HACE1: variants seen among roughly 807,000 people sequenced by gnomAD.
The protein encoded by HACE1 is HECT domain and ankyrin repeat containing E3 ubiquitin protein ligase 1, also known as E3 ubiquitin-protein ligase HACE1.
A neutral mutation model predicts 118.4 loss-of-function variants in HACE1; 73 were observed. The observed-to-expected ratio is 0.62, with a 90% CI of 0.51 to 0.75. The LOEUF (loss-of-function observed/expected upper bound fraction) is 0.75. HACE1 is among the 30% of genes least tolerant of loss of function. The pLI, the probability that HACE1 is intolerant of heterozygous loss-of-function variation, is 0.00. For synonymous variants in HACE1, 368 were observed against 374.8 expected (o/e 0.98, Z 0.21); for missense variants, 749 against 1,102.2 (o/e 0.68, Z 4.54).
At chr6:104,792,872 CT>C (rs1019454084) in intron 10 of HACE1, among the ~76,000 whole-genome samples, 1 of 152,212 alleles carries the variant, frequency 6.6e-6, no homozygotes, top group African/African-American at 2.4e-5. Flanking sequence ...CCTCCCTGCT[CT>C]TTCTACCCAA....
At chr6:104,806,951 T>C (rs9499978) in intron 7 of HACE1, among the ~76,000 whole-genome samples, 36,693 of 151,818 alleles carry the variant, frequency 0.24, 4,760 homozygotes, top group African/African-American at 0.34. Context: ...GAATGGCGTA[T>C]GAAACAGATC....
chr6:104,816,773 T>C (rs76549866), intron 6 of HACE1, among the ~76,000 whole-genome samples: 2,473 of 152,210 alleles, frequency 0.016, 66 homozygotes, highest in African/African-American at 0.056. Flanking sequence ...ACGTACTCAA[T>C]GTCAGCCTGT....
intron 22 of HACE1, among the ~76,000 whole-genome samples, chr6:104,737,280 C>CAAAAAA (rs1775961377): frequency 1.3e-5 from 1 of 79,774 alleles, no homozygotes; most frequent in African/African-American, 5.6e-5. Context: ...GAGACTCTCT[C>CAAAAAA]TCAAAAAAAA....
intron 6 of HACE1, among the ~76,000 whole-genome samples, chr6:104,832,207 T>A (rs548945237): frequency 6.6e-6 from 1 of 152,248 alleles, no homozygotes; most frequent in East Asian, 1.9e-4. Context: ...AATATGAAGT[T>A]TTATTTGCTA....
In HACE1 at chr6:104,731,573, T is replaced by G. The variant is rs1304338118; in HGVS notation, c.2514-1157A>C. 2.6e-5 allele frequency: 4 copies of G among 152,006 alleles called. No individual in the cohort carries two copies. The East Asian group carries it at 7.7e-4, about 29-fold the overall frequency. 9.4% of individuals were successfully genotyped at this position (152,006 alleles called of 1,614,324 possible). A position where few individuals can be genotyped will look rare whatever the true frequency, so the allele number is the denominator to read the frequency against. ...CAGAAATAACCCCTCACATACATAA[T>G]GAAATGATTTTCAACTAGAGTGCCA... On this transcript the variant is annotated intron_variant, in intron 22 of 23. Coordinates refer to ENST00000262903, the MANE Select transcript of HACE1 (RefSeq NM_020771.4).
At chr6:104,794,765 C>T (rs368117555) in intron 10 of HACE1, among the ~76,000 whole-genome samples, 6 of 151,952 alleles carry the variant, frequency 3.9e-5, no homozygotes, top group African/African-American at 1.2e-4. Context: ...ATTAGCCGGG[C>T]GTGGTGGTGT....
At position 104,843,307 on chromosome 6, in the gene HACE1, A is replaced by C; in HGVS notation, c.327-9T>G. 7.5e-7 allele frequency: 1 copy of C among 1,328,962 alleles called. No homozygotes were observed. Among genetic ancestry groups the C allele is most frequent in the East Asian group, 2.3e-5 (1 of 43,516 alleles). 82.3% of individuals were successfully genotyped at this position (1,328,962 alleles called of 1,614,324 possible). On this transcript the variant is annotated splice_polypyrimidine_tract_variant and intron_variant, in intron 4 of 23. Coordinates refer to ENST00000262903, the MANE Select transcript of HACE1 (RefSeq NM_020771.4). ...TCATACATTTCTTCTGCCTGAAAAG[A>C]AAAAAGAGTCATGGATAACTGGTAC...
intron 20 of HACE1, among the ~76,000 whole-genome samples, chr6:104,748,834 C>T (rs951674777): frequency 1.4e-4 from 22 of 152,074 alleles, no homozygotes; most frequent in African/African-American, 4.8e-4. Context: ...CTAAAATAGG[C>T]GAATCTCGTC....
chr6:104,748,830 T>C (rs1416416401), intron 20 of HACE1, among the ~76,000 whole-genome samples: 5 of 152,200 alleles, frequency 3.3e-5, no homozygotes, highest in East Asian at 1.9e-4. Flanking sequence ...AATTCTAAAA[T>C]AGGCGAATCT....
At chr6:104,832,209 T>C (rs959915006) in intron 6 of HACE1, among the ~76,000 whole-genome samples, 4 of 152,182 alleles carry the variant, frequency 2.6e-5, no homozygotes, top group African/African-American at 9.7e-5. Context: ...TATGAAGTTT[T>C]ATTTGCTAAA....
chr6:104,845,282 TC>T (rs1017977084), intron 4 of HACE1, among the ~76,000 whole-genome samples: 1 of 152,092 alleles, frequency 6.6e-6, no homozygotes, highest in Non-Finnish European at 1.5e-5. Context: ...ATAGTAGCTC[TC>T]AATAAAACTT....
intron 22 of HACE1, among the ~76,000 whole-genome samples, chr6:104,743,914 A>T (rs922834150): frequency 1.3e-5 from 2 of 152,104 alleles, no homozygotes; most frequent in East Asian, 3.8e-4. Flanking sequence ...CCAAATTATA[A>T]AGTACAATAT....
At chr6:104,807,504 G>A (rs529660339) in intron 7 of HACE1, among the ~76,000 whole-genome samples, 25 of 151,976 alleles carry the variant, frequency 1.6e-4, no homozygotes, top group Non-Finnish European at 3.2e-4. Context: ...ACTAAACCTT[G>A]CTTTTCCTAA....
chr6:104,806,334 C>T (rs1304354056), intron 7 of HACE1, among the ~76,000 whole-genome samples: 3 of 152,034 alleles, frequency 2.0e-5, no homozygotes, highest in Non-Finnish European at 4.4e-5. Context: ...TGGTGGTGCA[C>T]ATCTATAGTC....
intron 7 of HACE1, among the ~76,000 whole-genome samples, chr6:104,803,664 G>A (rs1045773108): frequency 1.3e-5 from 2 of 152,082 alleles, no homozygotes; most frequent in African/African-American, 4.8e-5. Context: ...AAATTCAACA[G>A]CCCTTCATGC....
intron 22 of HACE1, among the ~76,000 whole-genome samples, chr6:104,733,094 A>T (rs1343580199): frequency 6.6e-6 from 1 of 152,252 alleles, no homozygotes; most frequent in East Asian, 1.9e-4. Context: ...AAACATAAAA[A>T]GGGATAAAAA....
intron 3 of HACE1, 129 bp from the exon 4 acceptor site, chr6:104,849,375 C>T (rs369660108): frequency 3.8e-5 from 27 of 711,896 alleles, no homozygotes; most frequent in African/African-American, 1.4e-4. Flanking sequence ...CTTGCTCTGT[C>T]GCCCATGCTG....
At chr6:104,757,727 G>A (rs1778880440) in intron 19 of HACE1, among the ~76,000 whole-genome samples, 1 of 152,056 alleles carries the variant, frequency 6.6e-6, no homozygotes, top group African/African-American at 2.4e-5. Context: ...GCTTCAGAAG[G>A]TTGGTAATAA....
intron 22 of HACE1, among the ~76,000 whole-genome samples, chr6:104,742,766 G>C (rs942423173): frequency 6.6e-6 from 1 of 151,900 alleles, no homozygotes; most frequent in Non-Finnish European, 1.5e-5. Flanking sequence ...ATTCCTCAGG[G>C]ATCTAGAACT....
Sources: gnomAD v4.1 joint callset for allele counts (sites outside exome capture counted in the v4.1 genomes callset) on GRCh38, gnomAD v4.1.1 for gene constraint, MANE v1.5 for transcripts, NCBI Gene and HGNC (gene_info 2026-07-23, HGNC 2026-07-21) for gene names.